PPM1F: variants seen among roughly 807,000 people sequenced by gnomAD.
PPM1F encodes the protein protein phosphatase, Mg2+/Mn2+ dependent 1F, also known as protein phosphatase 1F.
Under a neutral mutation model 35.5 loss-of-function variants are expected in PPM1F, and 17 were observed. The ratio of observed to expected loss-of-function variants is 0.48; its 90% CI spans 0.33 to 0.72. PPM1F has a LOEUF of 0.72. PPM1F is among the 30% of genes least tolerant of loss of function. The probability of loss-of-function intolerance (pLI) is 0.02; values close to 1 mark genes in which losing one functional copy is unlikely to be tolerated. For missense variants in PPM1F, 521 were observed against 613.0 expected (o/e 0.85, Z 1.59); for synonymous variants, 241 against 255.5 (o/e 0.94, Z 0.54).
At chr22:21,927,955 T>TTTTTG (rs2070539611) in intron 6 of PPM1F, among the ~76,000 whole-genome samples, 1 of 142,380 alleles carries the variant, frequency 7.0e-6, no homozygotes, top group African/African-American at 2.6e-5. Context: ...TTTTTTTTTT[T>TTTTTG]TTTTTTTTTT....
chr22:21,944,363 T>C (rs565802920), intron 2 of PPM1F: 3 of 152,334 alleles, frequency 2.0e-5, no homozygotes, highest in African/African-American at 7.2e-5. Context: ...AGTCACTGAC[T>C]CTGCTAGGGC....
chr22:21,925,102 T>TGTTGGC (rs1436480561), intron 7 of PPM1F: 2 of 172,288 alleles, frequency 1.2e-5, no homozygotes, highest in East Asian at 1.3e-4. Context: ...TGGGGTTTCA[T>TGTTGGC]CAGGCTGGTC....
chr22:21,946,372 G>A (rs1215566512), intron 1 of PPM1F: 2 of 237,746 alleles, frequency 8.4e-6, no homozygotes, highest in Non-Finnish European at 1.6e-5. Context: ...ACTGTTCCTG[G>A]CAGAGGGTGG....
rs565529493 is a variant in PPM1F, at chr22:21,931,131, C to A, written c.891+17G>T. The A allele has an allele frequency of 3.1e-6, 5 of 1,613,494 alleles. No individual in the cohort carries two copies. The East Asian group carries it at 1.1e-4, about 36-fold the overall frequency. ...AGGCCAGGAATATCCTGGGCCTGGG[C>A]GCAGGGATCCCCTTACCTGCCGTTC... On this transcript the variant is annotated intron_variant, in intron 6 of 7. Coordinates refer to ENST00000263212, the MANE Select transcript of PPM1F (RefSeq NM_014634.4).
intron 1 of PPM1F, chr22:21,949,321 G>T (rs2070811130): frequency 1.3e-5 from 2 of 152,256 alleles, no homozygotes; most frequent in African/African-American, 4.8e-5. Flanking sequence ...GGTGAGGAGA[G>T]AAACCAGGAC....
chr22:21,938,671 G>A (rs1217803270), intron 3 of PPM1F: 43 of 930,260 alleles, frequency 4.6e-5, no homozygotes, highest in Non-Finnish European at 5.1e-5. Flanking sequence ...TCTGCTGCCT[G>A]CTGGCCTGTC....
intron 7 of PPM1F, 93 bp from the exon 8 acceptor site, chr22:21,923,564 A>T (rs2070474154): frequency 1.5e-6 from 2 of 1,374,996 alleles, no homozygotes; most frequent in African/African-American, 2.9e-5. Flanking sequence ...TCCTGCAGGG[A>T]CAGAGACCAA....
At chr22:21,924,424 C>A (rs147660074) in intron 7 of PPM1F, among the ~76,000 whole-genome samples, 1 of 152,282 alleles carries the variant, frequency 6.6e-6, no homozygotes, top group East Asian at 1.9e-4. Flanking sequence ...GGCACCACCA[C>A]GCCCGGCTAA....
chr22:21,926,282 C>G (rs776679164), intron 6 of PPM1F, among the ~76,000 whole-genome samples: 3 of 152,040 alleles, frequency 2.0e-5, no homozygotes, highest in Non-Finnish European at 2.9e-5. Flanking sequence ...CAGGGGCGTG[C>G]CACCATGCCC....
chr22:21,951,349 CTTTTTTTTTTTTTT>C (rs56062012), intron 1 of PPM1F: 4 of 99,386 alleles, frequency 4.0e-5, no homozygotes, highest in Non-Finnish European at 7.8e-5. Context: ...AGATGGTATC[CTTTTTTTTTTTTTT>C]TTTTTTTTTG....
chr22:21,938,178 G>C, intron 3 of PPM1F: 1 of 1,303,404 alleles, frequency 7.7e-7, no homozygotes, highest in Non-Finnish European at 1.0e-6. Context: ...CTGGGCTGGT[G>C]CCGGCGCAGC....
intron 1 of PPM1F, chr22:21,947,258 C>G (rs1402226001): frequency 6.5e-6 from 1 of 152,716 alleles, no homozygotes; most frequent in Non-Finnish European, 1.5e-5. Flanking sequence ...TGCGTCGCCC[C>G]GGGGATTCAC....
chr22:21,927,945 T>G (rs1033976593), intron 6 of PPM1F, among the ~76,000 whole-genome samples: 2 of 51,662 alleles, frequency 3.9e-5, no homozygotes, highest in East Asian at 3.6e-4. Context: ...TTGTTTTGTT[T>G]TTTTTTTTTT....
At chr22:21,948,296 T>G (rs1427462157) in intron 1 of PPM1F, 2 of 90,634 alleles carry the variant, frequency 2.2e-5, no homozygotes, top group Non-Finnish European at 2.2e-5. Flanking sequence ...GGCAGTGAGA[T>G]CGCCACCCCC....
At chr22:21,937,968 C>G (rs1049128569) in intron 3 of PPM1F, 1 of 711,804 alleles carries the variant, frequency 1.4e-6, no homozygotes, top group African/African-American at 1.9e-5. Flanking sequence ...AATCCCCACT[C>G]TGACGCAATT....
chr22:21,934,321 G>T, intron 3 of PPM1F, 95 bp from the exon 4 acceptor site: 2 of 1,034,208 alleles, frequency 1.9e-6, no homozygotes, highest in Non-Finnish European at 2.8e-6. Context: ...GGCCTGCAAA[G>T]CCCCCATCAC....
chr22:21,925,928 T>A, intron 6 of PPM1F: 1 of 398,414 alleles, frequency 2.5e-6, no homozygotes, highest in East Asian at 3.7e-5. Context: ...CCTGCGCCCC[T>A]GGGCAGCATT....
chr22:21,944,971 T>A (rs1178528873), intron 2 of PPM1F: 1 of 152,282 alleles, frequency 6.6e-6, no homozygotes, highest in African/African-American at 2.4e-5. Flanking sequence ...TCGTGGTGGC[T>A]GGGGTGCCAT....
chr22:21,946,103 T>A lies in PPM1F; in HGVS notation c.-55A>T. The A allele has an allele frequency of 7.1e-7, 1 of 1,410,192 alleles. No homozygotes were observed. Among genetic ancestry groups the A allele is most frequent in the Non-Finnish European group, 9.5e-7 (1 of 1,058,154 alleles). The allele number at this position is 1,410,192 out of a possible 1,614,324, so 87.4% of individuals were successfully genotyped here. On this transcript the variant is annotated 5_prime_UTR_variant, in exon 2 of 8. In the 5' UTR this introduces an upstream ATG that the reference lacks. Transcript: ENST00000263212. The stretch of plus-strand genomic sequence containing the variant: ...GGCCAGGGCAAGAGGGTCTCCAGGC[T>A]TCACCCTGGGGAGAAATGTCAGAGT...
Sources: gnomAD v4.1 joint callset for allele counts (sites outside exome capture counted in the v4.1 genomes callset) on GRCh38, gnomAD v4.1.1 for gene constraint, MANE v1.5 for transcripts, NCBI Gene and HGNC (gene_info 2026-07-23, HGNC 2026-07-21) for gene names.